Variants in COL9A1 observed in about 807,000 individuals in gnomAD.
The protein encoded by COL9A1 is collagen type IX alpha 1 chain.
In COL9A1, 104 loss-of-function variants were observed where a neutral mutation model predicts 142.6. That is an observed-to-expected ratio of 0.73 (90% CI 0.62 to 0.86). The LOEUF (loss-of-function observed/expected upper bound fraction) is 0.86, where lower values mean the gene tolerates loss of function less well. Ranked by LOEUF, COL9A1 falls within the 40% of genes least tolerant of loss-of-function variation. The probability of loss-of-function intolerance (pLI) is 0.00; values close to 1 mark genes in which losing one functional copy is unlikely to be tolerated. For missense variants in COL9A1, 1,210 were observed against 1,176.6 expected (o/e 1.03, Z -0.42); for synonymous variants, 466 against 396.0 (o/e 1.18, Z -2.10).
At chr6:70,278,604 C>A (rs1175166982) in intron 10 of COL9A1, among the ~76,000 whole-genome samples, 1 of 152,136 alleles carries the variant, frequency 6.6e-6, no homozygotes, top group Non-Finnish European at 1.5e-5. Context: ...TTCTCTTTTG[C>A]TTTCCTCTCC....
At chr6:70,223,309 G>C (rs1455440844) in intron 37 of COL9A1, among the ~76,000 whole-genome samples, 1 of 152,170 alleles carries the variant, frequency 6.6e-6, no homozygotes, top group Non-Finnish European at 1.5e-5. Flanking sequence ...GCCAGGAACT[G>C]TCTTAAGCAA....
At chr6:70,226,623 A>G (rs1769246340) in intron 36 of COL9A1, among the ~76,000 whole-genome samples, 1 of 152,118 alleles carries the variant, frequency 6.6e-6, no homozygotes, top group Non-Finnish European at 1.5e-5. Flanking sequence ...TACCATTTAT[A>G]ATAACAATTA....
chr6:70,274,611 T>C (rs1267317551), intron 11 of COL9A1, 108 bp downstream of exon 11: 1 of 886,672 alleles, frequency 1.1e-6, no homozygotes, highest in East Asian at 2.5e-5. Context: ...GTTGAACGAG[T>C]GCATTTTAGA....
chr6:70,285,118 C>T (rs557618031), intron 5 of COL9A1, among the ~76,000 whole-genome samples: 27 of 152,218 alleles, frequency 1.8e-4, no homozygotes, highest in Non-Finnish European at 1.6e-4. Context: ...TGAGGTAATT[C>T]ATTAAACTGT....
intron 28 of COL9A1, 135 bp downstream of exon 28, chr6:70,251,985 A>T: frequency 1.1e-6 from 1 of 940,316 alleles, no homozygotes; most frequent in East Asian, 2.4e-5. Context: ...ATAGCATTTC[A>T]TCTCCTTGTG....
At chr6:70,285,666 A>T (rs1434998093) in intron 5 of COL9A1, among the ~76,000 whole-genome samples, 2 of 152,212 alleles carry the variant, frequency 1.3e-5, no homozygotes, top group Admixed American at 6.5e-5. Context: ...TCCCCTCTCC[A>T]CACTGGGTTT....
chr6:70,283,095 T>A (rs1773276876), intron 6 of COL9A1, 177 bp from the exon 7 acceptor site: 1 of 1,542,334 alleles, frequency 6.5e-7, no homozygotes, highest in Non-Finnish European at 8.7e-7. Flanking sequence ...CTCTGCAGCC[T>A]GGTTCCCCTC....
chr6:70,302,506 C>G (rs1029260686), intron 1 of COL9A1, among the ~76,000 whole-genome samples: 3 of 152,116 alleles, frequency 2.0e-5, no homozygotes, highest in African/African-American at 4.8e-5. Flanking sequence ...CCGCACCCAG[C>G]CTTCATTTTT....
At chr6:70,302,200 ATTTCT>A in intron 1 of COL9A1, 126 bp from the exon 2 acceptor site, 2 of 467,932 alleles carry the variant, frequency 4.3e-6, no homozygotes, top group Non-Finnish European at 7.6e-6. Context: ...TTTTTTTTTC[ATTTCT>A]TTTTTTTTTT....
chr6:70,271,870 A>C (rs1470943257), intron 13 of COL9A1, among the ~76,000 whole-genome samples, 162 bp from the exon 14 acceptor site: 1 of 152,246 alleles, frequency 6.6e-6, no homozygotes, highest in Non-Finnish European at 1.5e-5. Context: ...CTTAAGATAC[A>C]GCAGAAATTT....
intron 14 of COL9A1, among the ~76,000 whole-genome samples, 172 bp from the exon 15 acceptor site, chr6:70,270,539 A>T (rs914849709): frequency 5.3e-5 from 8 of 152,194 alleles, no homozygotes; most frequent in Admixed American, 4.6e-4. Context: ...GTTCTACAAA[A>T]TGAGAGTAAT....
chr6:70,251,980 A>G, intron 28 of COL9A1, 140 bp downstream of exon 28: 2 of 924,552 alleles, frequency 2.2e-6, no homozygotes, highest in East Asian at 4.8e-5. Context: ...TCTAAATAGC[A>G]TTTCATCTCC....
intron 19 of COL9A1, 76 bp from the exon 20 acceptor site, chr6:70,260,786 T>G (rs1771630197): frequency 2.2e-6 from 3 of 1,380,134 alleles, no homozygotes; most frequent in Non-Finnish European, 3.1e-6. Context: ...CAAAAGCTGA[T>G]CTAGACAATG....
At chr6:70,235,910 C>T (rs577960258) in intron 33 of COL9A1, among the ~76,000 whole-genome samples, 2 of 151,880 alleles carry the variant, frequency 1.3e-5, no homozygotes, top group East Asian at 1.9e-4. Context: ...GTCAGGAGAT[C>T]GAGACCATCC....
intron 4 of COL9A1, 101 bp downstream of exon 4, chr6:70,299,942 C>T: frequency 3.5e-6 from 4 of 1,148,694 alleles, no homozygotes; most frequent in South Asian, 1.3e-5. Context: ...CAATTATAAT[C>T]CAAGAAACAT....
chr6:70,254,407 T>G (rs1771135559), intron 25 of COL9A1, 69 bp downstream of exon 25: 4 of 1,428,308 alleles, frequency 2.8e-6, no homozygotes, highest in Non-Finnish European at 3.9e-6. Flanking sequence ...GTAGCATGTC[T>G]CTCCCCAAAA....
At position 70,216,753 on chromosome 6, in the gene COL9A1, T is replaced by A; in HGVS notation, c.*144A>T. ...CGTTCTTCTATATGTGATTGTCAAG[T>A]AGGACTTCTGTAATCATACTGAAGG... On this transcript the variant is annotated 3_prime_UTR_variant, in exon 38 of 38. Coordinates refer to ENST00000357250, the MANE Select transcript of COL9A1 (RefSeq NM_001851.6). The A allele has an allele frequency of 1.2e-6, 1 of 840,398 alleles. No individual in the cohort carries two copies. Among genetic ancestry groups the A allele is most frequent in the East Asian group, 2.7e-5 (1 of 37,438 alleles). The allele number at this position is 840,398 out of a possible 1,614,324, so 52.1% of individuals were successfully genotyped here. A position where few individuals can be genotyped will look rare whatever the true frequency, so the allele number is the denominator to read the frequency against.
chr6:70,271,018 A>T (rs16868860), intron 14 of COL9A1, among the ~76,000 whole-genome samples: 2,971 of 152,334 alleles, frequency 0.02, 97 homozygotes, highest in African/African-American at 0.068. Flanking sequence ...CAATTATTTT[A>T]ACTTTACAAT....
At chr6:70,257,438 A>G (rs1771390911) in intron 20 of COL9A1, among the ~76,000 whole-genome samples, 1 of 152,086 alleles carries the variant, frequency 6.6e-6, no homozygotes, top group African/African-American at 2.4e-5. Context: ...TTATTAATAG[A>G]TTGGTAAATC....
Sources: gnomAD v4.1 joint callset for allele counts (sites outside exome capture counted in the v4.1 genomes callset) on GRCh38, gnomAD v4.1.1 for gene constraint, MANE v1.5 for transcripts, NCBI Gene and HGNC (gene_info 2026-07-23, HGNC 2026-07-21) for gene names.